The following MYOM1 variants were observed in gnomAD, a reference collection of about 807,000 sequenced individuals.
MYOM1 encodes the protein myomesin-1.
Under a neutral mutation model 205.3 loss-of-function variants are expected in MYOM1, and 164 were observed. That is an observed-to-expected ratio of 0.80 (90% CI 0.70 to 0.91). MYOM1 has a LOEUF of 0.91. MYOM1 is among the 40% of genes least tolerant of loss of function. MYOM1 has a pLI of 0.00. For missense variants in MYOM1, 2,011 were observed against 2,127.3 expected (o/e 0.95, Z 1.08); for synonymous variants, 772 against 789.4 (o/e 0.98, Z 0.37).
At chr18:3,099,719 T>C (rs1456380460) in intron 25 of MYOM1, among the ~76,000 whole-genome samples, 1 of 152,224 alleles carries the variant, frequency 6.6e-6, no homozygotes, top group African/African-American at 2.4e-5. Context: ...GAGTTGAAAA[T>C]GGTAGGCACT....
chr18:3,140,728 T>C (rs1301697137), intron 14 of MYOM1, among the ~76,000 whole-genome samples: 1 of 152,152 alleles, frequency 6.6e-6, no homozygotes, highest in Admixed American at 6.5e-5. Flanking sequence ...TGTTACAAAA[T>C]TGAATGATCA....
intron 5 of MYOM1, among the ~76,000 whole-genome samples, chr18:3,185,462 A>G (rs1221886311): frequency 6.6e-6 from 1 of 152,230 alleles, no homozygotes; most frequent in Non-Finnish European, 1.5e-5. Context: ...ATGAAAGAAG[A>G]AATATTTTTA....
intron 34 of MYOM1, among the ~76,000 whole-genome samples, chr18:3,076,868 C>A (rs1244511096): frequency 3.9e-5 from 6 of 152,074 alleles, no homozygotes; most frequent in African/African-American, 1.2e-4. Flanking sequence ...CACCCACCAC[C>A]ATGACCAGCT....
At chr18:3,072,722 G>A (rs1447116377) in intron 36 of MYOM1, among the ~76,000 whole-genome samples, 1 of 151,808 alleles carries the variant, frequency 6.6e-6, no homozygotes, top group East Asian at 1.9e-4. Flanking sequence ...GGGAGTGCCT[G>A]TATCTGTATC....
rs2080595071 is a variant in MYOM1, at chr18:3,173,842, T to C, written c.1174+96A>G. 7.5e-6 allele frequency: 8 copies of C among 1,069,542 alleles called. No homozygotes were observed. In the South Asian group the frequency reaches 1.1e-4, roughly 14 times the overall value. 66.3% of individuals were successfully genotyped at this position (1,069,542 alleles called of 1,614,324 possible). On this transcript the variant is annotated intron_variant, in intron 8 of 37. Coordinates refer to ENST00000356443, the MANE Select transcript of MYOM1 (RefSeq NM_003803.4). The stretch of plus-strand genomic sequence containing the variant: ...ACATCCAACCTAGCATATACTATGT[T>C]ATATATAGTATGCATTTATTTCAGC...
chr18:3,149,389 G>A (rs997781427), intron 12 of MYOM1, among the ~76,000 whole-genome samples, 188 bp from the exon 13 acceptor site: 2 of 152,110 alleles, frequency 1.3e-5, no homozygotes, highest in Non-Finnish European at 2.9e-5. Flanking sequence ...GGTCCTCAAG[G>A]GACTCATAAT....
intron 33 of MYOM1, among the ~76,000 whole-genome samples, chr18:3,081,958 C>T (rs1280782928): frequency 1.3e-5 from 2 of 152,164 alleles, no homozygotes; most frequent in African/African-American, 2.4e-5. Flanking sequence ...CACCAGGGAC[C>T]GGTTTCATGG....
At chr18:3,086,245 A>T in intron 29 of MYOM1, 94 bp from the exon 30 acceptor site, 1 of 637,450 alleles carries the variant, frequency 1.6e-6, no homozygotes. Context: ...TAAAAGAAAA[A>T]GCACTGAACG....
chr18:3,238,367 G>A, the MYOM1 span, among the ~76,000 whole-genome samples: 5 of 152,146 alleles, frequency 3.3e-5, no homozygotes, highest in African/African-American at 4.8e-5. Flanking sequence ...CACTCCCTCC[G>A]ACCTGGGGGA....
rs892619250 is a variant in MYOM1, at chr18:3,135,242, G to A, written c.2209+305C>T. ...TCAGATTACAGACATGAGCCACCGCGCCTGGCCTACATTGTATTTTTTAAA... is the reference window on the plus strand; with the variant it reads ...TCAGATTACAGACATGAGCCACCGCACCTGGCCTACATTGTATTTTTTAAA... On this transcript the variant is annotated intron_variant, in intron 15 of 37. Transcript: ENST00000356443. The surrounding 1 kb of genome is among the most constrained non-coding windows in gnomAD (Gnocchi z 4.1). 1.0e-5 allele frequency: 3 copies of A among 288,952 alleles called. No individual in the cohort carries two copies. Among genetic ancestry groups the A allele is most frequent in the East Asian group, 7.5e-5 (1 of 13,254 alleles). The allele number at this position is 288,952 out of a possible 1,614,324, so 17.9% of individuals were successfully genotyped here.
At chr18:3,113,332 A>T (rs1381047692) in intron 21 of MYOM1, among the ~76,000 whole-genome samples, 3 of 6,534 alleles carry the variant, frequency 4.6e-4, no homozygotes, top group Non-Finnish European at 3.9e-3. Context: ...ATATATATAT[A>T]TATGTATGTA....
rs756462640 is a variant in MYOM1, at chr18:3,116,354, C to G, written c.3280G>C (p.Ala1094Pro). 1.2e-5 allele frequency: 20 copies of G among 1,611,798 alleles called. 1 individual carries two copies. The Admixed American group carries it at 3.3e-4, about 27-fold the overall frequency. The stretch of plus-strand genomic sequence containing the variant: ...ACCTTCAGGTATACGTTTTTAATAG[C>G]CGCCTCATTGAGCCCTCGCCACTGG... ...EDQWRGLNEA[A>P]IKNVYLKVRG... Residue 1094 changes from alanine (A) to proline (P), a missense_variant, in exon 21 of 38, where the codon GCT becomes CCT. Coordinates refer to ENST00000356443, the MANE Select transcript of MYOM1 (RefSeq NM_003803.4).
the MYOM1 span, among the ~76,000 whole-genome samples, chr18:3,225,810 AT>A: frequency 6.6e-5 from 10 of 152,174 alleles, no homozygotes; most frequent in Admixed American, 6.5e-4. Flanking sequence ...TTAATGAAGA[AT>A]TGTCTGCATG....
the MYOM1 span, among the ~76,000 whole-genome samples, chr18:3,225,975 T>C: frequency 2.0e-5 from 3 of 152,186 alleles, no homozygotes; most frequent in Non-Finnish European, 4.4e-5. Context: ...TGTGTTTGAA[T>C]TTCCAGAAAT....
At chr18:3,205,783 C>T (rs9303923) in intron 2 of MYOM1, among the ~76,000 whole-genome samples, 37,764 of 152,012 alleles carry the variant, frequency 0.25, 4,826 homozygotes, top group African/African-American at 0.32. Flanking sequence ...AATGTATATA[C>T]ATATAACACG....
chr18:3,207,764 G>A (rs72861649), intron 2 of MYOM1, among the ~76,000 whole-genome samples: 23,831 of 152,140 alleles, frequency 0.16, 1,898 homozygotes, highest in East Asian at 0.22. Flanking sequence ...GGAGGTAGCA[G>A]CTTTGCCCTT....
chr18:3,128,937 A>C (rs1180825998), intron 18 of MYOM1, among the ~76,000 whole-genome samples: 2 of 152,206 alleles, frequency 1.3e-5, no homozygotes, highest in African/African-American at 4.8e-5. Flanking sequence ...TCTCTTAGCA[A>C]AATCAGGCCA....
chr18:3,067,501 AC>A lies in MYOM1; in HGVS notation c.4818del (p.Trp1606CysfsTer2). On this transcript the variant is annotated frameshift_variant, in exon 38 of 38. Coordinates refer to ENST00000356443, the MANE Select transcript of MYOM1 (RefSeq NM_003803.4). LOFTEE classifies it low-confidence loss of function (END_TRUNC). ...VWGDPPPEVSWLKNEKALASD... is the reference protein window; with the variant it reads ...VWGDPPPEVSXLKNEKALASD... Reference sequence around the variant, plus strand: ...GAGGCCAGGGCCTTCTCGTTCTTCAACCACGACACCTCCGGAGGCGGGTCTC... The same window carrying A: ...GAGGCCAGGGCCTTCTCGTTCTTCAACACGACACCTCCGGAGGCGGGTCTC... 5 of 1,613,826 alleles carry A rather than the reference AC, an allele frequency of 3.1e-6. No individual in the cohort carries two copies. The highest frequency in any genetic ancestry group is 4.2e-6 in the Non-Finnish European group (5 of 1,179,888).
At chr18:3,136,208 C>T (rs1320582501) in intron 14 of MYOM1, among the ~76,000 whole-genome samples, 2 of 152,062 alleles carry the variant, frequency 1.3e-5, no homozygotes, top group East Asian at 1.9e-4. Flanking sequence ...ACTGTGAGTC[C>T]ATTAAACCTC....
Sources: gnomAD v4.1 joint callset for allele counts (sites outside exome capture counted in the v4.1 genomes callset) on GRCh38, gnomAD v4.1.1 for gene constraint, Gnocchi (gnomAD v3.1) non-coding constraint, MANE v1.5 for transcripts, NCBI Gene and HGNC (gene_info 2026-07-23, HGNC 2026-07-21) for gene names.